MAST4: variants seen among roughly 807,000 people sequenced by gnomAD.
MAST4 encodes microtubule associated serine/threonine kinase family member 4.
In MAST4, 89 loss-of-function variants were observed where a neutral mutation model predicts 162.7. The ratio of observed to expected loss-of-function variants is 0.55; its 90% CI spans 0.46 to 0.65. MAST4 has a LOEUF of 0.65. Ranked by LOEUF, MAST4 falls within the 30% of genes least tolerant of loss-of-function variation. The probability of loss-of-function intolerance (pLI) is 0.00; values close to 1 mark genes in which losing one functional copy is unlikely to be tolerated. For synonymous variants in MAST4, 1,479 were observed against 1,361.1 expected (o/e 1.09, Z -1.91); for missense variants, 3,153 against 3,374.0 (o/e 0.93, Z 1.62).
intron 4 of MAST4, among the ~76,000 whole-genome samples, chr5:66,981,140 A>T (rs706700): frequency 0.64 from 97,852 of 152,038 alleles, 31,879 homozygotes; most frequent in Admixed American, 0.7. Flanking sequence ...TTACCTCATA[A>T]TATGGTAAAA....
chr5:67,104,696 G>GTAA, intron 10 of MAST4, 121 bp downstream of exon 10: 1 of 513,742 alleles, frequency 1.9e-6, no homozygotes, highest in Non-Finnish European at 3.2e-6. Context: ...CAAAAAAGAA[G>GTAA]GAAAAAAAAA....
chr5:67,039,140 A>AG (rs1243629274), intron 4 of MAST4, among the ~76,000 whole-genome samples: 1 of 152,202 alleles, frequency 6.6e-6, no homozygotes, highest in Admixed American at 6.5e-5. Context: ...AATAGGATTT[A>AG]GGGTCTATTT....
chr5:67,163,502 C>T lies in MAST4; in HGVS notation c.4323C>T (p.Leu1441=). The T allele has an allele frequency of 1.2e-6, 2 of 1,612,106 alleles. No homozygotes were observed. Among genetic ancestry groups the T allele is most frequent in the Non-Finnish European group, 1.7e-6 (2 of 1,179,258 alleles). The change falls in exon 29 of 29, where the codon CTC becomes CTT. Residue 1441 remains leucine, a synonymous_variant. Coordinates refer to ENST00000403625, the MANE Select transcript of MAST4 (RefSeq NM_001164664.2). This position sits in a 1 kb window ranked among gnomAD's most constrained non-coding sequence, Gnocchi z 7.0. ...CGGAGCCCCCCAGGTCCCCGCTGCT[C>T]AAGCGCGTGCAGTCCGAGGAGAAGC... ...KSAEPPRSPL[L]KRVQSEEKLS... is the part of the protein sequence containing the mutation.
chr5:66,713,167 C>T (rs928933054), intron 1 of MAST4, among the ~76,000 whole-genome samples: 1 of 152,088 alleles, frequency 6.6e-6, no homozygotes, highest in African/African-American at 2.4e-5. Flanking sequence ...TATTTAAATA[C>T]TAATCTTGTT....
At chr5:66,624,009 G>C (rs1172401506) in intron 1 of MAST4, among the ~76,000 whole-genome samples, 1 of 151,984 alleles carries the variant, frequency 6.6e-6, no homozygotes, top group Non-Finnish European at 1.5e-5. Flanking sequence ...ATTTACATTA[G>C]CAAGAAAAGA....
chr5:66,834,284 G>A (rs1470876163), intron 3 of MAST4, among the ~76,000 whole-genome samples: 2 of 152,188 alleles, frequency 1.3e-5, no homozygotes, highest in African/African-American at 4.8e-5. Flanking sequence ...GCCTAAAGGG[G>A]TGAGAGAGGG....
At chr5:67,035,591 C>A (rs767655658) in intron 4 of MAST4, among the ~76,000 whole-genome samples, 1 of 152,130 alleles carries the variant, frequency 6.6e-6, no homozygotes, top group Admixed American at 6.6e-5. Context: ...TCCAAGCCCA[C>A]ATGGAGTGAT....
intron 1 of MAST4, among the ~76,000 whole-genome samples, chr5:66,700,409 C>T (rs1347285999): frequency 1.3e-5 from 2 of 151,738 alleles, no homozygotes; most frequent in African/African-American, 2.4e-5. Flanking sequence ...TGATATGATA[C>T]ACTTAAATGT....
intron 4 of MAST4, among the ~76,000 whole-genome samples, chr5:66,948,526 C>A (rs1744292120): frequency 6.6e-6 from 1 of 152,096 alleles, no homozygotes; most frequent in Non-Finnish European, 1.5e-5. Context: ...AGTCCCTCAG[C>A]CTGTCCTTTT....
chr5:66,834,024 C>T (rs1757787169), intron 3 of MAST4, among the ~76,000 whole-genome samples: 1 of 152,306 alleles, frequency 6.6e-6, no homozygotes, highest in Middle Eastern at 3.4e-3. Context: ...CAGTGCCTGG[C>T]ACATTGTACT....
chr5:66,973,089 A>G (rs1747656333), intron 4 of MAST4, among the ~76,000 whole-genome samples: 1 of 151,890 alleles, frequency 6.6e-6, no homozygotes, highest in African/African-American at 2.4e-5. Context: ...AGATGTATTT[A>G]AACATTTTTT....
At chr5:67,013,271 A>G (rs1263289584) in intron 4 of MAST4, among the ~76,000 whole-genome samples, 3 of 152,222 alleles carry the variant, frequency 2.0e-5, no homozygotes, top group Non-Finnish European at 4.4e-5. Flanking sequence ...GCCCCTGGAA[A>G]GTTTCTAACC....
At chr5:66,661,752 A>G (rs575918935) in intron 1 of MAST4, among the ~76,000 whole-genome samples, 9 of 152,186 alleles carry the variant, frequency 5.9e-5, no homozygotes, top group Non-Finnish European at 1.3e-4. Context: ...AGACATCTGT[A>G]TTTGCCCTTC....
chr5:67,160,171 G>A (rs535753293), intron 26 of MAST4, among the ~76,000 whole-genome samples: 1 of 152,290 alleles, frequency 6.6e-6, no homozygotes, highest in South Asian at 2.1e-4. Flanking sequence ...ATTGGTACAG[G>A]AAGTTGAGGG....
At chr5:66,856,436 A>G (rs2149825782) in intron 3 of MAST4, among the ~76,000 whole-genome samples, 1 of 152,342 alleles carries the variant, frequency 6.6e-6, no homozygotes, top group East Asian at 1.9e-4. Context: ...TGGAACTTAA[A>G]TGGAGAAATC....
chr5:67,141,598 G>A (rs750247524), intron 19 of MAST4, among the ~76,000 whole-genome samples: 32 of 152,306 alleles, frequency 2.1e-4, no homozygotes, highest in Non-Finnish European at 3.8e-4. Flanking sequence ...TTACAAATCT[G>A]TAATCCACAG....
chr5:67,155,581 A>C (rs1218484643), intron 26 of MAST4, among the ~76,000 whole-genome samples: 1 of 152,126 alleles, frequency 6.6e-6, no homozygotes, highest in Non-Finnish European at 1.5e-5. Context: ...TTAAATCCCC[A>C]ATGCATAGGA....
intron 4 of MAST4, among the ~76,000 whole-genome samples, chr5:66,996,095 T>C (rs1302174913): frequency 2.0e-5 from 3 of 151,976 alleles, no homozygotes; most frequent in Admixed American, 6.6e-5. Context: ...CTGGCCAACA[T>C]AGTGAAATCC....
At chr5:66,736,164 T>G (rs1320207587) in intron 1 of MAST4, among the ~76,000 whole-genome samples, 1 of 152,194 alleles carries the variant, frequency 6.6e-6, no homozygotes, top group Non-Finnish European at 1.5e-5. Flanking sequence ...CTTTCCATCT[T>G]TATTCATAAA....
Sources: gnomAD v4.1 joint callset for allele counts (sites outside exome capture counted in the v4.1 genomes callset) on GRCh38, gnomAD v4.1.1 for gene constraint, Gnocchi (gnomAD v3.1) non-coding constraint, MANE v1.5 for transcripts, NCBI Gene and HGNC (gene_info 2026-07-23, HGNC 2026-07-21) for gene names.